The following CACNA1A variants were observed in gnomAD, a reference collection of about 807,000 sequenced individuals.
CACNA1A encodes the protein voltage-dependent P/Q-type calcium channel subunit alpha-1A.
CACNA1A carries 57 observed loss-of-function variants against 262.4 expected under a neutral mutation model. That is an observed-to-expected ratio of 0.22 (90% confidence interval 0.18 to 0.27). CACNA1A has a LOEUF of 0.27. Among genes scored for constraint, CACNA1A ranks in the 10% least tolerant of loss-of-function variants. The probability of loss-of-function intolerance (pLI) is 1.00; values close to 1 mark genes in which losing one functional copy is unlikely to be tolerated. For synonymous variants in CACNA1A, 1,431 were observed against 1,419.3 expected, an observed-to-expected ratio of 1.01 and a Z score of -0.18; for missense variants, 2,526 against 3,562.8, an observed-to-expected ratio of 0.71 and a Z score of 7.41.
intron 40 of CACNA1A, among the ~76,000 whole-genome samples, chr19:13,213,187 C>T (rs1487694025): frequency 6.6e-6 from 1 of 152,210 alleles, no homozygotes; most frequent in Non-Finnish European, 1.5e-5. Context: ...CCTCCCTGCT[C>T]TTTTCCACCA....
rs61178346 is a variant in CACNA1A at position 13,212,827 on chromosome 19, T to TACACACACACAC, written c.5941-99_5941-88dup. ...AGAAGGCATTGCGACATCCCCAGTA[T>TACACACACACAC]ACACACACACACACACACACACTCT... is the stretch of plus-strand genomic sequence containing the variant. On this transcript the variant is annotated intron_variant, in intron 40 of 46. Transcript: ENST00000360228. This position sits in a 1 kb window ranked among gnomAD's most constrained non-coding sequence, Gnocchi z 5.6. 4.8e-4 allele frequency: 248 copies of TACACACACACAC among 518,398 alleles called. No homozygotes were observed. The highest frequency in any genetic ancestry group is 8.8e-4 in the Admixed American group (25 of 28,464). 32.1% of individuals were successfully genotyped at this position (518,398 alleles called of 1,614,324 possible).
At chr19:13,426,055 C>G (rs1466397378) in intron 3 of CACNA1A, among the ~76,000 whole-genome samples, 3 of 149,674 alleles carry the variant, frequency 2.0e-5, no homozygotes, top group South Asian at 4.2e-4. Context: ...GAGACTCTGT[C>G]TCAAAACAAA....
In CACNA1A at chr19:13,245,887, G is replaced by C. The variant is rs575372261; in HGVS notation, c.4867-622C>G. Among the ~76,000 whole-genome samples, 4 of 152,196 alleles carry C rather than the reference G, an allele frequency of 2.6e-5. No homozygotes were observed. In the South Asian group the frequency reaches 8.3e-4, roughly 32 times the overall value. On this transcript the variant is annotated intron_variant, in intron 30 of 46. Coordinates refer to ENST00000360228, the MANE Select transcript of CACNA1A (RefSeq NM_001127222.2). ...GGGTTTCACCATGTTGGTCAGGCTGGTCTCGAACTTCTGACCTCAAGTGAT... is the reference window on the plus strand; with the variant it reads ...GGGTTTCACCATGTTGGTCAGGCTGCTCTCGAACTTCTGACCTCAAGTGAT...
At chr19:13,363,845 C>CT (rs2059156770) in intron 5 of CACNA1A, 12 of 152,288 alleles carry the variant, frequency 7.9e-5, no homozygotes, top group Non-Finnish European at 1.5e-4. Flanking sequence ...AGTCTGTCTG[C>CT]ACCCAGATGG....
At position 13,286,794 on chromosome 19, in the gene CACNA1A, C is replaced by A. The variant is rs371820430; in HGVS notation, c.3262G>T (p.Ala1088Ser). Residue 1088 changes from alanine to serine, a missense_variant, in exon 20 of 47, where the codon GCC (alanine) becomes TCC (serine). Transcript: ENST00000360228. ...SAAPHGSLGH[A>S]GLPQSPAKMG... Reference sequence around the variant, plus strand: ...TTGGCTGGGCTCTGGGGCAGGCCGGCGTGGCCAAGGCTGCCGTGGGGAGCG... The same window carrying A: ...TTGGCTGGGCTCTGGGGCAGGCCGGAGTGGCCAAGGCTGCCGTGGGGAGCG... 3.1e-6 allele frequency: 5 copies of A among 1,612,770 alleles called. 1 individual carries two copies. Among genetic ancestry groups the A allele is most frequent in the Non-Finnish European group, 4.2e-6 (5 of 1,179,546 alleles).
chr19:13,238,339 T>C (rs1463985692), intron 31 of CACNA1A, among the ~76,000 whole-genome samples: 2 of 152,148 alleles, frequency 1.3e-5, no homozygotes, highest in Non-Finnish European at 2.9e-5. Context: ...GACAGCGTCC[T>C]TGTGGTCTTT....
chr19:13,329,502 T>C lies in CACNA1A; in HGVS notation c.1345+742A>G, dbSNP rs563600617. On this transcript the variant is annotated intron_variant, in intron 10 of 46. Transcript: ENST00000360228. ...GGTTTGTGTCTTTTTTTTTTTTTTTTTTTTGAGACAGGATCTTGCTCTGTT... is the reference window on the plus strand; with the variant it reads ...GGTTTGTGTCTTTTTTTTTTTTTTTCTTTTGAGACAGGATCTTGCTCTGTT... 2.6e-5 allele frequency among the ~76,000 whole-genome samples: 4 copies of C among 151,096 alleles called. No individual in the cohort carries two copies. In the South Asian group the frequency reaches 8.4e-4, roughly 32 times the overall value.
chr19:13,272,147 T>G (rs2057036612), intron 24 of CACNA1A: 1 of 152,336 alleles, frequency 6.6e-6, no homozygotes, highest in Non-Finnish European at 1.5e-5. Flanking sequence ...ATTGGAGACC[T>G]GAACAGCTTG....
rs3050873 is a variant in CACNA1A at position 13,298,133 on chromosome 19, C to CTTT, written c.3089+408_3089+410dup. ...CCACTGCTCCTGGCCAAATACAGCA[C>CTTT]TTTTTTTTTTTTTTTGAGACAGAGT... is the stretch of plus-strand genomic sequence containing the variant. On this transcript the variant is annotated intron_variant, in intron 19 of 46. Transcript: ENST00000360228. Among the ~76,000 whole-genome samples the CTTT allele has an allele frequency of 1.2e-3, 131 of 113,066 alleles. 2 individuals are homozygous for CTTT. Among genetic ancestry groups the CTTT allele is most frequent in the Non-Finnish European group, 1.5e-3 (82 of 53,752 alleles). 74.2% of individuals were successfully genotyped at this position (113,066 alleles called of 152,430 possible).
chr19:13,270,798 C>A (rs561918998), intron 24 of CACNA1A, among the ~76,000 whole-genome samples: 3 of 152,136 alleles, frequency 2.0e-5, no homozygotes, highest in African/African-American at 7.2e-5. Context: ...CCTCTCTCAT[C>A]CCTTCGGCCA....
chr19:13,404,215 G>T (rs1402586115), intron 3 of CACNA1A, among the ~76,000 whole-genome samples: 3 of 151,216 alleles, frequency 2.0e-5, no homozygotes, highest in African/African-American at 7.3e-5. Flanking sequence ...CAGTAATAAG[G>T]TTCATAGTTA....
intron 45 of CACNA1A, 125 bp downstream of exon 45, chr19:13,209,187 C>T (rs1337470137): frequency 5.0e-5 from 66 of 1,322,898 alleles, no homozygotes; most frequent in Non-Finnish European, 6.1e-5. Context: ...CTGCCTGGCC[C>T]CCTCTGTCCC....
intron 3 of CACNA1A, among the ~76,000 whole-genome samples, chr19:13,402,873 C>CATATATATATATATATATATAT (rs71170507): frequency 1.4e-5 from 1 of 72,824 alleles, no homozygotes; most frequent in Non-Finnish European, 2.8e-5. Flanking sequence ...CACACACACA[C>CATATATATATATATATATATAT]ATATATATAT....
chr19:13,505,366 T>G (rs995374925), intron 1 of CACNA1A, among the ~76,000 whole-genome samples: 2 of 152,144 alleles, frequency 1.3e-5, no homozygotes, highest in Non-Finnish European at 1.5e-5. Context: ...GAAGGCCACA[T>G]GGACTCCCTC....
intron 38 of CACNA1A, among the ~76,000 whole-genome samples, chr19:13,215,581 A>C (rs1224958363): frequency 6.7e-6 from 1 of 150,362 alleles, no homozygotes; most frequent in African/African-American, 2.5e-5. Flanking sequence ...AGCCTCCCAA[A>C]GTGCTGGCGA....
intron 3 of CACNA1A, among the ~76,000 whole-genome samples, chr19:13,437,932 G>A (rs745430066): frequency 1.3e-5 from 2 of 151,956 alleles, no homozygotes; most frequent in Non-Finnish European, 2.9e-5. Context: ...ATGTCAGCAT[G>A]GCAGACAAGA....
chr19:13,211,439 C>G (rs2054807166), intron 43 of CACNA1A: 1 of 153,160 alleles, frequency 6.5e-6, no homozygotes, highest in African/African-American at 2.4e-5. Context: ...GAAGCGGCCA[C>G]ACACAGACAC....
intron 30 of CACNA1A, among the ~76,000 whole-genome samples, chr19:13,252,096 GCTGTTGCCC>G (rs1199960569): frequency 3.2e-4 from 48 of 149,196 alleles, no homozygotes; most frequent in African/African-American, 1.1e-3. Flanking sequence ...ATGGAGTCTT[GCTGTTGCCC>G]AGGCTGGGGT....
intron 3 of CACNA1A, among the ~76,000 whole-genome samples, chr19:13,413,954 C>T (rs28868902): frequency 1.1e-3 from 140 of 130,216 alleles, no homozygotes; most frequent in African/African-American, 4.4e-3. Context: ...AAAAGGAAGG[C>T]AAGGGAAGGG....
Sources: gnomAD v4.1 joint callset for allele counts (sites outside exome capture counted in the v4.1 genomes callset) on GRCh38, gnomAD v4.1.1 for gene constraint, Gnocchi (gnomAD v3.1) non-coding constraint, MANE v1.5 for transcripts, NCBI Gene and HGNC (gene_info 2026-07-23, HGNC 2026-07-21) for gene names.